The following SGCZ variants were observed in gnomAD, a reference collection of about 807,000 sequenced individuals.
The protein encoded by SGCZ is zeta-sarcoglycan.
SGCZ carries 40 observed loss-of-function variants against 41.3 expected under a neutral mutation model. That is an observed-to-expected ratio of 0.97 (90% confidence interval 0.75 to 1.26). The LOEUF (loss-of-function observed/expected upper bound fraction) is 1.26. SGCZ is among the 50% of genes most tolerant of loss of function. The probability of loss-of-function intolerance (pLI) is 0.00; values close to 1 mark genes in which losing one functional copy is unlikely to be tolerated. For synonymous variants in SGCZ, 206 were observed against 137.5 expected (o/e 1.50, Z -3.49); for missense variants, 552 against 369.8 (o/e 1.49, Z -4.04).
intron 1 of SGCZ, among the ~76,000 whole-genome samples, chr8:14,710,369 CAAAAAAAA>C (rs770994264): frequency 0.014 from 1,260 of 92,446 alleles, 15 homozygotes; most frequent in African/African-American, 0.043. Context: ...GACTCCGCAT[CAAAAAAAA>C]AAAAAAAAAA....
chr8:15,175,974 C>T (rs1326481127), intron 1 of SGCZ, among the ~76,000 whole-genome samples: 1 of 152,076 alleles, frequency 6.6e-6, no homozygotes, highest in African/African-American at 2.4e-5. Context: ...TTTCAGACAG[C>T]ATTAAACACC....
intron 1 of SGCZ, among the ~76,000 whole-genome samples, chr8:15,200,582 C>T (rs569292704): frequency 6.6e-6 from 1 of 152,164 alleles, no homozygotes; most frequent in Non-Finnish European, 1.5e-5. Flanking sequence ...TAAAACTAGA[C>T]TTTCCTGTTG....
At chr8:14,659,726 C>G (rs1807688248) in intron 1 of SGCZ, among the ~76,000 whole-genome samples, 1 of 152,090 alleles carries the variant, frequency 6.6e-6, no homozygotes, top group Admixed American at 6.6e-5. Context: ...ATTCATGAAG[C>G]AATAGTGCTG....
At chr8:14,162,895 G>A (rs1340032526) in intron 5 of SGCZ, among the ~76,000 whole-genome samples, 1 of 152,142 alleles carries the variant, frequency 6.6e-6, no homozygotes, top group East Asian at 1.9e-4. Context: ...TTTCGAGAGA[G>A]GGTCTGGCTC....
intron 2 of SGCZ, among the ~76,000 whole-genome samples, chr8:14,525,141 CACAT>C (rs1563385821): frequency 7.1e-4 from 82 of 116,036 alleles, no homozygotes; most frequent in South Asian, 1.5e-3. Flanking sequence ...GATAGATAGA[CACAT>C]AGATAGATAG....
intron 2 of SGCZ, among the ~76,000 whole-genome samples, chr8:14,390,629 T>G (rs968437972): frequency 6.6e-6 from 1 of 151,982 alleles, no homozygotes; most frequent in African/African-American, 2.4e-5. Context: ...TAGATTTTAC[T>G]ATATACATAT....
chr8:14,687,637 T>C (rs1808659019), intron 1 of SGCZ, among the ~76,000 whole-genome samples: 1 of 151,910 alleles, frequency 6.6e-6, no homozygotes, highest in African/African-American at 2.4e-5. Flanking sequence ...CTATTGTGAA[T>C]AGTGCTGCAA....
rs1391626796 is a variant in SGCZ, at chr8:14,085,956, G to A, written c.*4487C>T. Among the ~76,000 whole-genome samples, 2 of 151,638 alleles carry A rather than the reference G, an allele frequency of 1.3e-5. No homozygotes were observed. Among genetic ancestry groups the A allele is most frequent in the Non-Finnish European group, 3.0e-5 (2 of 67,744 alleles). On this transcript the variant is annotated 3_prime_UTR_variant, in exon 8 of 8. Coordinates refer to ENST00000382080, the MANE Select transcript of SGCZ (RefSeq NM_139167.4). ...ACATTTAAACAACTAATAAATTTCA[G>A]TATAAAACAACATGAATAACAGTGT...
At chr8:14,759,606 T>A (rs1393245108) in intron 1 of SGCZ, among the ~76,000 whole-genome samples, 2 of 152,276 alleles carry the variant, frequency 1.3e-5, no homozygotes, top group African/African-American at 4.8e-5. Context: ...AGAGAGTCTA[T>A]TACTGGACTT....
intron 2 of SGCZ, among the ~76,000 whole-genome samples, chr8:14,473,705 A>C (rs770110840): frequency 6.6e-6 from 1 of 152,126 alleles, no homozygotes; most frequent in African/African-American, 2.4e-5. Context: ...TGGGAGGTCG[A>C]GGTGGGTGGA....
intron 2 of SGCZ, among the ~76,000 whole-genome samples, chr8:14,462,630 A>C (rs1035702807): frequency 6.6e-6 from 1 of 152,020 alleles, no homozygotes; most frequent in Non-Finnish European, 1.5e-5. Flanking sequence ...GCTTTAAAGT[A>C]AGTTTTGAAA....
At chr8:14,138,459 C>T (rs1313063616) in intron 5 of SGCZ, among the ~76,000 whole-genome samples, 1 of 148,514 alleles carries the variant, frequency 6.7e-6, no homozygotes, top group Non-Finnish European at 1.5e-5. Flanking sequence ...TGCAGAGACA[C>T]ACATAGGCTC....
rs140526689 is a variant in SGCZ, at chr8:15,034,502, T to A, written c.39+203083A>T. 2.6e-5 allele frequency among the ~76,000 whole-genome samples: 4 copies of A among 151,866 alleles called. No homozygotes were observed. The East Asian group carries it at 5.8e-4, about 22-fold the overall frequency. On this transcript the variant is annotated intron_variant, in intron 1 of 7. Coordinates refer to ENST00000382080, the MANE Select transcript of SGCZ (RefSeq NM_139167.4). ...AGATCAAGTGTTAGAGTTATAGGAG[T>A]TTAAGGAGAAGAGAGAAATAAAGAG...
rs138668306 is a variant in SGCZ, at chr8:14,632,581, C to T, written c.40-77655G>A. Among the ~76,000 whole-genome samples the T allele has an allele frequency of 8.8e-3, 1,333 of 152,104 alleles. 18 individuals carry two copies. Among genetic ancestry groups the T allele is most frequent in the African/African-American group, 0.03 (1,263 of 41,506 alleles). ...TAAGAAAAAATAAATTGAAAGAATTCATCTAAAAACAATTCTTAGTTGAAT... is the reference window on the plus strand; with the variant it reads ...TAAGAAAAAATAAATTGAAAGAATTTATCTAAAAACAATTCTTAGTTGAAT... On this transcript the variant is annotated intron_variant, in intron 1 of 7. Transcript: ENST00000382080.
chr8:15,022,129 C>T (rs1354391648), intron 1 of SGCZ, among the ~76,000 whole-genome samples: 1 of 152,124 alleles, frequency 6.6e-6, no homozygotes, highest in Non-Finnish European at 1.5e-5. Context: ...ATGATAATTT[C>T]AAACTCTTCT....
At chr8:15,109,126 G>C (rs1806947104) in intron 1 of SGCZ, among the ~76,000 whole-genome samples, 1 of 152,080 alleles carries the variant, frequency 6.6e-6, no homozygotes, top group South Asian at 2.1e-4. Context: ...TCATAATAGA[G>C]ACCTAAAACA....
chr8:15,159,736 C>CT (rs1309849614), intron 1 of SGCZ, among the ~76,000 whole-genome samples: 3 of 33,260 alleles, frequency 9.0e-5, no homozygotes, highest in African/African-American at 3.4e-4. Context: ...CCCCCGCCCC[C>CT]CCCACCCTCC....
chr8:14,903,723 G>C (rs1036514415), intron 1 of SGCZ, among the ~76,000 whole-genome samples: 1 of 152,016 alleles, frequency 6.6e-6, no homozygotes, highest in African/African-American at 2.4e-5. Context: ...TTTAAGAGCA[G>C]TGTATAGGGA....
rs569181825 is a variant in SGCZ, at chr8:14,291,660, T to A, written c.336+32443A>T. ...TTTAGAAGACAAAAAAATAAAAAGT[T>A]CTTATTCTTTATTCGGAAACATATA... is the stretch of plus-strand genomic sequence containing the variant. On this transcript the variant is annotated intron_variant, in intron 3 of 7. Coordinates refer to ENST00000382080, the MANE Select transcript of SGCZ (RefSeq NM_139167.4). Among the ~76,000 whole-genome samples, 4 of 133,314 alleles carry A rather than the reference T, an allele frequency of 3.0e-5. No homozygotes were observed. In the South Asian group the frequency reaches 1.0e-3, roughly 34 times the overall value. 87.5% of individuals were successfully genotyped at this position (133,314 alleles called of 152,430 possible). A position where few individuals can be genotyped will look rare whatever the true frequency, so the allele number is the denominator to read the frequency against.
Sources: allele counts gnomAD v4.1 joint callset (sites outside exome capture counted in the v4.1 genomes callset), GRCh38; gene constraint gnomAD v4.1.1; transcripts MANE v1.5; gene names NCBI Gene and HGNC (gene_info 2026-07-23, HGNC 2026-07-21).